PXDNL: variants seen among roughly 807,000 people sequenced by gnomAD.
PXDNL encodes peroxidasin like, also known as probable oxidoreductase PXDNL.
In PXDNL, 145 loss-of-function variants were observed where a neutral mutation model predicts 150.8. The ratio of observed to expected loss-of-function variants is 0.96; its 90% CI spans 0.84 to 1.10. PXDNL has a LOEUF of 1.10. PXDNL is among the 50% of genes least tolerant of loss of function. The probability of loss-of-function intolerance (pLI) is 0.00; values close to 1 mark genes in which losing one functional copy is unlikely to be tolerated. For synonymous variants in PXDNL, 757 were observed against 725.7 expected (o/e 1.04, Z -0.69); for missense variants, 2,087 against 1,873.9 (o/e 1.11, Z -2.10).
At chr8:51,696,805 T>TCACACA (rs769772282) in intron 1 of PXDNL, among the ~76,000 whole-genome samples, 88 of 26,406 alleles carry the variant, frequency 3.3e-3, no homozygotes, top group African/African-American at 0.02. Flanking sequence ...ACATAGGTCT[T>TCACACA]CACACACACA....
chr8:51,408,768 G>C lies in PXDNL; in HGVS notation c.2856C>G (p.Pro952=). 1 of 1,586,148 alleles carries C rather than the reference G, an allele frequency of 6.3e-7. No individual in the cohort carries two copies. Among genetic ancestry groups the C allele is most frequent in the Non-Finnish European group, 8.6e-7 (1 of 1,166,740 alleles). Residue 952 remains proline, a synonymous_variant, in exon 17 of 23, where the codon CCC becomes CCG. Transcript: ENST00000356297. ...TECARQEQES[P]CFLAGDHRAN... ...CCCGGTGGTCCCCGGCCAGGAAACA[G>C]GGGCTCTCCTGCTCCTGTCGCGCGC...
At chr8:51,457,423 A>G in intron 9 of PXDNL, 75 bp downstream of exon 9, 1 of 1,188,658 alleles carries the variant, frequency 8.4e-7, no homozygotes, top group East Asian at 2.5e-5. Flanking sequence ...TTGAAGTATT[A>G]CATACTCTAA....
rs768654893 is a variant in PXDNL at position 51,426,692 on chromosome 8, GA to G, written c.1591del (p.Ser531HisfsTer11). ...CTGTGGTTCTCCTTGAGCATGACAT[GA>G]AATGTTTATATTCTTTCCAACCTCG... ...SVEVGKNINI[S>X]CHAQGEPQPI... is the part of the protein sequence containing the mutation. On this transcript the variant is annotated frameshift_variant, in exon 13 of 23. Transcript: ENST00000356297. LOFTEE classifies it high-confidence loss of function. 3 of 1,608,576 alleles carry G rather than the reference GA, an allele frequency of 1.9e-6. No homozygotes were observed. Among genetic ancestry groups the G allele is most frequent in the Non-Finnish European group, 2.5e-6 (3 of 1,176,880 alleles).
chr8:51,497,132 A>G (rs1012349421), intron 5 of PXDNL, among the ~76,000 whole-genome samples: 2 of 152,188 alleles, frequency 1.3e-5, no homozygotes, highest in African/African-American at 2.4e-5. Context: ...ATAATGCCGC[A>G]TATCTACAAC....
At chr8:51,456,890 C>G (rs1349528112) in intron 9 of PXDNL, among the ~76,000 whole-genome samples, 1 of 152,234 alleles carries the variant, frequency 6.6e-6, no homozygotes, top group Admixed American at 6.5e-5. Context: ...GCTTCTCTCC[C>G]TCTCCTTACA....
At chr8:51,497,196 A>G (rs550097709) in intron 5 of PXDNL, among the ~76,000 whole-genome samples, 4 of 152,306 alleles carry the variant, frequency 2.6e-5, no homozygotes, top group East Asian at 1.9e-4. Context: ...AGGATTCCCT[A>G]TTTAATAAAT....
intron 1 of PXDNL, among the ~76,000 whole-genome samples, chr8:51,804,234 G>T (rs981884163): frequency 2.0e-5 from 3 of 152,170 alleles, no homozygotes; most frequent in Non-Finnish European, 4.4e-5. Context: ...AGAAACAAAT[G>T]GTTACATTCT....
chr8:51,765,056 A>C (rs1162049496), intron 1 of PXDNL, among the ~76,000 whole-genome samples: 1 of 152,150 alleles, frequency 6.6e-6, no homozygotes, highest in Non-Finnish European at 1.5e-5. Context: ...CTCTAGCATA[A>C]ATTTGTCTTC....
At chr8:51,733,981 A>G (rs1816986268) in intron 1 of PXDNL, among the ~76,000 whole-genome samples, 1 of 151,810 alleles carries the variant, frequency 6.6e-6, no homozygotes, top group Non-Finnish European at 1.5e-5. Flanking sequence ...GTTAATAAAC[A>G]TCTTGAATAG....
At position 51,402,904 on chromosome 8, in the gene PXDNL, T is replaced by TACACACAC. The variant is rs55768775; in HGVS notation, c.3557+5155_3557+5162dup. Among the ~76,000 whole-genome samples the TACACACAC allele has an allele frequency of 4.0e-4, 58 of 146,170 alleles. 1 individual carries two copies. The East Asian group carries it at 7.3e-3, about 18-fold the overall frequency. Reference sequence around the variant, plus strand: ...GGTAAAACCCCGTCTCTACTAAAAATACACACACACACACACACACACACA... The same window carrying TACACACAC: ...GGTAAAACCCCGTCTCTACTAAAAATACACACACACACACACACACACACACACACACA... On this transcript the variant is annotated intron_variant, in intron 17 of 22. Transcript: ENST00000356297.
chr8:51,607,854 G>GAGGAAGGA (rs143544585), intron 2 of PXDNL, among the ~76,000 whole-genome samples: 1,455 of 72,568 alleles, frequency 0.02, 65 homozygotes, highest in African/African-American at 0.048. Flanking sequence ...AAAAGGAAGA[G>GAGGAAGGA]AGGAAGGAAG....
intron 1 of PXDNL, among the ~76,000 whole-genome samples, chr8:51,702,900 A>G (rs1052175331): frequency 1.3e-5 from 2 of 152,168 alleles, no homozygotes; most frequent in South Asian, 2.1e-4. Flanking sequence ...ATTTCAACAT[A>G]ATCTATTTGG....
At chr8:51,455,978 C>A (rs1049817876) in intron 9 of PXDNL, among the ~76,000 whole-genome samples, 14 of 151,932 alleles carry the variant, frequency 9.2e-5, no homozygotes, top group Non-Finnish European at 1.9e-4. Flanking sequence ...GTCTTTTTTT[C>A]CTGGAAAACC....
intron 13 of PXDNL, among the ~76,000 whole-genome samples, chr8:51,425,424 C>T (rs967304527): frequency 1.2e-4 from 19 of 152,222 alleles, no homozygotes; most frequent in African/African-American, 4.3e-4. Flanking sequence ...TGATGCATGT[C>T]GTACAGTGTC....
At chr8:51,595,444 A>T (rs1020769515) in intron 2 of PXDNL, among the ~76,000 whole-genome samples, 1 of 152,208 alleles carries the variant, frequency 6.6e-6, no homozygotes, top group Non-Finnish European at 1.5e-5. Flanking sequence ...AATTTCTACT[A>T]GGATAATGCC....
At chr8:51,644,318 T>TATATATATATATATATATA (rs1814852884) in intron 2 of PXDNL, among the ~76,000 whole-genome samples, 2 of 63,322 alleles carry the variant, frequency 3.2e-5, no homozygotes, top group Non-Finnish European at 4.2e-5. Context: ...AGGCACATTT[T>TATATATATATATATATATA]TACATATATA....
At chr8:51,698,197 T>C (rs1168108350) in intron 1 of PXDNL, among the ~76,000 whole-genome samples, 2 of 152,222 alleles carry the variant, frequency 1.3e-5, no homozygotes, top group African/African-American at 4.8e-5. Flanking sequence ...GATTGACTCT[T>C]TCATGAAGAA....
intron 1 of PXDNL, among the ~76,000 whole-genome samples, chr8:51,661,178 C>T (rs754949430): frequency 4.6e-5 from 7 of 152,142 alleles, no homozygotes; most frequent in African/African-American, 1.7e-4. Context: ...CCATCTTGCC[C>T]GATTCCCAGT....
chr8:51,786,353 C>T (rs183621328), intron 1 of PXDNL, among the ~76,000 whole-genome samples: 165 of 152,196 alleles, frequency 1.1e-3, no homozygotes, highest in East Asian at 4.1e-3. Context: ...GGACTACAGG[C>T]GCCCGCCACC....
Sources: gnomAD v4.1 joint callset for allele counts (sites outside exome capture counted in the v4.1 genomes callset) on GRCh38, gnomAD v4.1.1 for gene constraint, MANE v1.5 for transcripts, NCBI Gene and HGNC (gene_info 2026-07-23, HGNC 2026-07-21) for gene names.